The following UHRF2 variants were observed in gnomAD, a reference collection of about 807,000 sequenced individuals.
UHRF2 encodes the protein ubiquitin like with PHD and ring finger domains 2.
Under a neutral mutation model 96.8 loss-of-function variants are expected in UHRF2, and 23 were observed. The ratio of observed to expected loss-of-function variants is 0.24; its 90% CI spans 0.17 to 0.34. The LOEUF (loss-of-function observed/expected upper bound fraction) is 0.34, where lower values mean the gene tolerates loss of function less well. Ranked by LOEUF, UHRF2 falls within the 10% of genes least tolerant of loss-of-function variation. UHRF2 has a pLI of 1.00. For synonymous variants in UHRF2, 385 were observed against 332.6 expected (o/e 1.16, Z -1.72); for missense variants, 685 against 981.5 (o/e 0.70, Z 4.04).
In UHRF2 at chr9:6,506,980, A is replaced by C. The variant is rs1253830841; in HGVS notation, c.*801A>C. ...CTTTGAGAGGATTTGAAATTGCTTC[A>C]TATTGTGATCCTAAATTTTATATTC... On this transcript the variant is annotated 3_prime_UTR_variant, in exon 16 of 16. Coordinates refer to ENST00000276893, the MANE Select transcript of UHRF2 (RefSeq NM_152896.3). The C allele has an allele frequency of 6.6e-6, 1 of 152,574 alleles. No homozygotes were observed. Among genetic ancestry groups the C allele is most frequent in the Non-Finnish European group, 1.5e-5 (1 of 68,022 alleles). 9.5% of individuals were successfully genotyped at this position (152,574 alleles called of 1,614,324 possible).
intron 2 of UHRF2, among the ~76,000 whole-genome samples, chr9:6,425,621 G>A (rs1173707168): frequency 2.0e-5 from 3 of 152,094 alleles, no homozygotes; most frequent in Non-Finnish European, 2.9e-5. Context: ...AAATTAGCTG[G>A]GCGTTGTGGC....
At chr9:6,418,756 A>G (rs537949004) in intron 1 of UHRF2, among the ~76,000 whole-genome samples, 1 of 152,322 alleles carries the variant, frequency 6.6e-6, no homozygotes, top group Non-Finnish European at 1.5e-5. Flanking sequence ...ACTGAACTTT[A>G]TAAAGAAACA....
At chr9:6,482,155 AAT>A in intron 8 of UHRF2, 56 bp downstream of exon 8, 3 of 1,358,654 alleles carry the variant, frequency 2.2e-6, no homozygotes, top group Non-Finnish European at 2.1e-6. Flanking sequence ...AGATTATAGC[AAT>A]GTTAATGTCT....
intron 8 of UHRF2, among the ~76,000 whole-genome samples, chr9:6,484,101 C>T (rs1171750580): frequency 4.8e-5 from 7 of 145,340 alleles, no homozygotes; most frequent in Admixed American, 4.1e-4. Flanking sequence ...GAGACAGGGT[C>T]TTGCTCTATC....
intron 1 of UHRF2, among the ~76,000 whole-genome samples, chr9:6,416,702 G>C (rs1285394327): frequency 6.6e-6 from 1 of 151,988 alleles, no homozygotes; most frequent in Non-Finnish European, 1.5e-5. Context: ...ACTGCGCCCG[G>C]CTGATTTTTT....
intron 3 of UHRF2, among the ~76,000 whole-genome samples, chr9:6,451,455 A>G (rs983333473): frequency 9.4e-5 from 8 of 85,190 alleles, no homozygotes; most frequent in Non-Finnish European, 1.9e-4. Context: ...TTTCTTACCT[A>G]GTTTTTTTTT....
intron 10 of UHRF2, chr9:6,496,354 T>C (rs926626519): frequency 2.0e-5 from 3 of 152,218 alleles, no homozygotes; most frequent in Admixed American, 2.0e-4. Flanking sequence ...AAAATTGTTA[T>C]TTTAAAATAG....
chr9:6,422,590 A>G (rs957036785), intron 2 of UHRF2: 2 of 562,280 alleles, frequency 3.6e-6, no homozygotes, highest in African/African-American at 1.9e-5. Flanking sequence ...ACATTAAAAG[A>G]CTTGACTTCT....
At position 6,428,799 on chromosome 9, in the gene UHRF2, A is replaced by C. The variant is rs1189459599; in HGVS notation, c.385-5115A>C. On this transcript the variant is annotated intron_variant, in intron 2 of 15. Transcript: ENST00000276893. ...CCTGGGTTCAAACAGTCCTCCTGCC[A>C]CTTCCTCCCAAAGTGCTGGGATTAC... Among the ~76,000 whole-genome samples, 13 of 152,004 alleles carry C rather than the reference A, an allele frequency of 8.6e-5. No individual in the cohort carries two copies. In the East Asian group the frequency reaches 2.5e-3, roughly 30 times the overall value.
intron 2 of UHRF2, among the ~76,000 whole-genome samples, chr9:6,429,120 G>A (rs1053423025): frequency 2.0e-5 from 3 of 151,214 alleles, no homozygotes. Flanking sequence ...AGCCAACATC[G>A]CACCACTGCA....
chr9:6,425,258 A>G (rs971591826), intron 2 of UHRF2, among the ~76,000 whole-genome samples: 2 of 152,300 alleles, frequency 1.3e-5, no homozygotes, highest in Middle Eastern at 3.4e-3. Context: ...TCATGATCAA[A>G]TTGTTCCACT....
chr9:6,489,880 G>A (rs1418342824), intron 9 of UHRF2, among the ~76,000 whole-genome samples: 4 of 152,068 alleles, frequency 2.6e-5, no homozygotes, highest in Non-Finnish European at 4.4e-5. Flanking sequence ...AAAGCGTGCT[G>A]GCTTTCTGAA....
intron 3 of UHRF2, among the ~76,000 whole-genome samples, chr9:6,451,758 A>C (rs1037494264): frequency 3.9e-5 from 4 of 103,240 alleles, no homozygotes; most frequent in Admixed American, 3.8e-4. Flanking sequence ...GGCGTGAGCC[A>C]CCGCGCCCGG....
At position 6,416,358 on chromosome 9, in the gene UHRF2, G is replaced by A. The variant is rs1481115116; in HGVS notation, c.153+2715G>A. Among the ~76,000 whole-genome samples the A allele has an allele frequency of 2.0e-5, 3 of 152,058 alleles. No homozygotes were observed. The East Asian group carries it at 5.8e-4, about 30-fold the overall frequency. The stretch of plus-strand genomic sequence containing the variant: ...GCTGGGATTACAGGCGTAAGCTACC[G>A]TGCCCAGCCTTGACTCCACATTTGA... On this transcript the variant is annotated intron_variant, in intron 1 of 15. Coordinates refer to ENST00000276893, the MANE Select transcript of UHRF2 (RefSeq NM_152896.3).
intron 3 of UHRF2, among the ~76,000 whole-genome samples, chr9:6,439,637 C>A (rs893050319): frequency 3.9e-5 from 6 of 152,092 alleles, no homozygotes; most frequent in African/African-American, 1.2e-4. Context: ...TGTCCTTAAC[C>A]TTGTTTTAGT....
At chr9:6,417,971 T>G (rs915364636) in intron 1 of UHRF2, among the ~76,000 whole-genome samples, 3 of 152,248 alleles carry the variant, frequency 2.0e-5, no homozygotes, top group African/African-American at 7.2e-5. Flanking sequence ...TTTTATCACT[T>G]TAACTGCTAT....
chr9:6,438,667 A>G (rs1266085365), intron 3 of UHRF2, among the ~76,000 whole-genome samples: 1 of 152,204 alleles, frequency 6.6e-6, no homozygotes, highest in Non-Finnish European at 1.5e-5. Flanking sequence ...TGCCTCTGGA[A>G]TTATTCTGGG....
At chr9:6,443,494 A>G (rs1259190616) in intron 3 of UHRF2, among the ~76,000 whole-genome samples, 1 of 152,250 alleles carries the variant, frequency 6.6e-6, no homozygotes, top group East Asian at 1.9e-4. Flanking sequence ...TAAGAGAAGC[A>G]TGCTTTTAAA....
chr9:6,483,879 G>C (rs1824083104), intron 8 of UHRF2, among the ~76,000 whole-genome samples: 1 of 152,092 alleles, frequency 6.6e-6, no homozygotes. Flanking sequence ...AGTAGAGACA[G>C]GGTTTCTCCA....
Sources: allele counts gnomAD v4.1 joint callset (sites outside exome capture counted in the v4.1 genomes callset), GRCh38; gene constraint gnomAD v4.1.1; transcripts MANE v1.5; gene names NCBI Gene and HGNC (gene_info 2026-07-23, HGNC 2026-07-21).